The following NXPH1 variants were observed in gnomAD, a reference collection of about 807,000 sequenced individuals.
The protein encoded by NXPH1 is neurexophilin 1, also known as neurexophilin-1.
NXPH1 carries 5 observed loss-of-function variants against 23.7 expected under a neutral mutation model. The ratio of observed to expected loss-of-function variants is 0.21; its 90% CI spans 0.11 to 0.44. NXPH1 has a LOEUF of 0.44. NXPH1 is among the 20% of genes least tolerant of loss of function. NXPH1 has a pLI of 0.99. For synonymous variants in NXPH1, 144 were observed against 122.2 expected (o/e 1.18, Z -1.18); for missense variants, 324 against 321.6 (o/e 1.01, Z -0.06).
chr7:8,706,636 T>C (rs551136064), intron 2 of NXPH1, among the ~76,000 whole-genome samples: 1 of 152,322 alleles, frequency 6.6e-6, no homozygotes, highest in East Asian at 1.9e-4. Context: ...CCATTCTCAT[T>C]CCGACTCAAT....
At chr7:8,608,329 A>AT (rs34703338) in intron 2 of NXPH1, among the ~76,000 whole-genome samples, 76,523 of 143,776 alleles carry the variant, frequency 0.53, 20,785 homozygotes, top group Non-Finnish European at 0.62. Context: ...AAATTCAGTG[A>AT]TTTTTTTTTT....
intron 2 of NXPH1, among the ~76,000 whole-genome samples, chr7:8,485,504 C>G (rs923042378): frequency 1.3e-5 from 2 of 152,078 alleles, no homozygotes; most frequent in African/African-American, 4.8e-5. Flanking sequence ...CTTCTAATTT[C>G]TCATTATCTT....
intron 2 of NXPH1, among the ~76,000 whole-genome samples, chr7:8,635,344 C>T (rs1475675776): frequency 1.3e-5 from 2 of 152,180 alleles, no homozygotes; most frequent in African/African-American, 4.8e-5. Context: ...TTTGGTTAGA[C>T]AGCTATTGAA....
intron 2 of NXPH1, among the ~76,000 whole-genome samples, chr7:8,730,946 G>T (rs1301299906): frequency 6.7e-6 from 1 of 149,582 alleles, no homozygotes; most frequent in Admixed American, 6.7e-5. Context: ...TTTCCAACTT[G>T]GTTCCATTCT....
chr7:8,524,860 C>A (rs1817838188), intron 2 of NXPH1, among the ~76,000 whole-genome samples: 1 of 152,152 alleles, frequency 6.6e-6, no homozygotes, highest in Non-Finnish European at 1.5e-5. Flanking sequence ...AACTGTAAGT[C>A]CAATTAAACT....
chr7:8,441,037 A>AT (rs1001140883), intron 2 of NXPH1, among the ~76,000 whole-genome samples: 3 of 152,084 alleles, frequency 2.0e-5, no homozygotes, highest in Non-Finnish European at 2.9e-5. Context: ...GTTCTTTCTG[A>AT]TTTTTTTAAA....
chr7:8,596,919 C>T (rs1035910803), intron 2 of NXPH1, among the ~76,000 whole-genome samples: 1 of 152,034 alleles, frequency 6.6e-6, no homozygotes, highest in Admixed American at 6.6e-5. Context: ...CAACTATATG[C>T]AACGTGCAGG....
intron 2 of NXPH1, among the ~76,000 whole-genome samples, chr7:8,463,474 A>G (rs1168009286): frequency 1.3e-5 from 2 of 152,100 alleles, no homozygotes. Context: ...TTGGAAGTGA[A>G]CTTGCTGGGT....
chr7:8,552,163 G>A (rs1040668748), intron 2 of NXPH1, among the ~76,000 whole-genome samples: 5 of 139,746 alleles, frequency 3.6e-5, no homozygotes, highest in African/African-American at 8.4e-5. Flanking sequence ...CACACAAACC[G>A]TTAAGGAGAG....
At chr7:8,524,172 G>A (rs1328257059) in intron 2 of NXPH1, among the ~76,000 whole-genome samples, 1 of 143,556 alleles carries the variant, frequency 7.0e-6, no homozygotes, top group Non-Finnish European at 1.5e-5. Context: ...AACCTGGGTG[G>A]TAGAGGTTGC....
chr7:8,586,664 G>A (rs1023874590), intron 2 of NXPH1, among the ~76,000 whole-genome samples: 2 of 151,262 alleles, frequency 1.3e-5, no homozygotes, highest in African/African-American at 2.4e-5. Context: ...CACACACATC[G>A]AGTAGAAACT....
At position 8,461,002 on chromosome 7, in the gene NXPH1, T is replaced by G. The variant is rs201630007; in HGVS notation, c.54+25235T>G. ...TATTTGTGTTTGGATCTTTTCAATA[T>G]TAGGTATTAAAAAACTGCCTTACAC... On this transcript the variant is annotated intron_variant, in intron 2 of 2. Transcript: ENST00000405863. Among the ~76,000 whole-genome samples, 23 of 152,314 alleles carry G rather than the reference T, an allele frequency of 1.5e-4. No homozygotes were observed. The East Asian group carries it at 3.9e-3, about 26-fold the overall frequency.
At chr7:8,478,384 G>GAAATTTAA (rs775636641) in intron 2 of NXPH1, among the ~76,000 whole-genome samples, 5 of 151,752 alleles carry the variant, frequency 3.3e-5, no homozygotes, top group Non-Finnish European at 4.4e-5. Context: ...GAAACAATCA[G>GAAATTTAA]AAATTTAAAA....
chr7:8,663,401 C>T (rs1820710413), intron 2 of NXPH1, among the ~76,000 whole-genome samples: 1 of 152,060 alleles, frequency 6.6e-6, no homozygotes, highest in Non-Finnish European at 1.5e-5. Context: ...TTTTTGTTAT[C>T]TGCCTAGCCC....
Position 8,455,548 on chromosome 7 carries a change from C to G in NXPH1, c.54+19781C>G, listed in dbSNP as rs187060451. ...TCAGCTCACAAGGAGAACAGACTTC[C>G]CTCTTTCTGTACACCATCTGCACAG... On this transcript the variant is annotated intron_variant, in intron 2 of 2. Transcript: ENST00000405863. 2.6e-5 allele frequency among the ~76,000 whole-genome samples: 4 copies of G among 152,282 alleles called. No individual in the cohort carries two copies. In the East Asian group the frequency reaches 7.7e-4, roughly 29 times the overall value.
At chr7:8,678,352 C>A (rs2115174434) in intron 2 of NXPH1, among the ~76,000 whole-genome samples, 1 of 152,276 alleles carries the variant, frequency 6.6e-6, no homozygotes, top group East Asian at 1.9e-4. Context: ...ATATATTTTT[C>A]CTTTTCCTTT....
At position 8,751,121 on chromosome 7, in the gene NXPH1, C is replaced by T. The variant is rs763017131; in HGVS notation, c.168C>T (p.Ser56=). Residue 56 remains serine (S), a synonymous_variant, in exon 3 of 3, where the codon AGC becomes AGT. Coordinates refer to ENST00000405863, the MANE Select transcript of NXPH1 (RefSeq NM_152745.3). The surrounding 1 kb of genome is among the most constrained non-coding windows in gnomAD (Gnocchi z 4.5). ...WTESSKDLSI[S]RLLSQTFRGK... is the part of the protein sequence containing the mutation. The stretch of plus-strand genomic sequence containing the variant: ...AAAGCAGCAAAGACTTGTCTATCAG[C>T]CGACTCCTGTCACAGACTTTTCGTG... 6.8e-6 allele frequency: 11 copies of T among 1,613,790 alleles called. No homozygotes were observed. The highest frequency in any genetic ancestry group is 6.6e-5 in the South Asian group (6 of 91,076).
chr7:8,435,879 T>A lies in NXPH1; in HGVS notation c.54+112T>A. The A allele has an allele frequency of 9.8e-7, 1 of 1,017,398 alleles. No individual in the cohort carries two copies. Among genetic ancestry groups the A allele is most frequent in the Non-Finnish European group, 1.6e-6 (1 of 639,402 alleles). 63.0% of individuals were successfully genotyped at this position (1,017,398 alleles called of 1,614,324 possible). On this transcript the variant is annotated intron_variant, in intron 2 of 2. Transcript: ENST00000405863. This position sits in a 1 kb window ranked among gnomAD's most constrained non-coding sequence, Gnocchi z 5.9. ...CGCCAGTTCAGTGAGAGCAGCTTCC[T>A]AGCAGCTGTGTTGGAGCAACTTTGG... is the stretch of plus-strand genomic sequence containing the variant.
At chr7:8,541,069 A>G (rs113035927) in intron 2 of NXPH1, among the ~76,000 whole-genome samples, 1,927 of 151,874 alleles carry the variant, frequency 0.013, 44 homozygotes, top group African/African-American at 0.043. Context: ...AAGCAGGAAA[A>G]CACAACCACT....
Sources: allele counts gnomAD v4.1 joint callset (sites outside exome capture counted in the v4.1 genomes callset), GRCh38; gene constraint gnomAD v4.1.1; non-coding constraint Gnocchi (gnomAD v3.1); transcripts MANE v1.5; gene names NCBI Gene and HGNC (gene_info 2026-07-23, HGNC 2026-07-21).